Variants in DOCK1 observed in about 807,000 individuals in gnomAD.
DOCK1 encodes dedicator of cytokinesis protein 1.
Under a neutral mutation model 262.7 loss-of-function variants are expected in DOCK1, and 138 were observed. That is an observed-to-expected ratio of 0.53 (90% confidence interval 0.46 to 0.61). The LOEUF (loss-of-function observed/expected upper bound fraction) is 0.61, where lower values mean the gene tolerates loss of function less well. Among genes scored for constraint, DOCK1 ranks in the 20% least tolerant of loss-of-function variants. DOCK1 has a pLI of 0.00. For missense variants in DOCK1, 1,908 were observed against 2,370.7 expected (o/e 0.80, Z 4.05); for synonymous variants, 866 against 867.4 (o/e 1.00, Z 0.03).
chr10:127,136,459 A>G (rs150362471), intron 27 of DOCK1: 1 of 149,070 alleles, frequency 6.7e-6, no homozygotes, highest in Non-Finnish European at 1.5e-5. Flanking sequence ...CTCACAAACT[A>G]TTCAAAATTT....
chr10:127,083,590 A>G (rs2047032134), intron 23 of DOCK1, among the ~76,000 whole-genome samples: 2 of 152,226 alleles, frequency 1.3e-5, no homozygotes, highest in Non-Finnish European at 2.9e-5. Context: ...AATTCTTTAT[A>G]ATGGATGTGA....
At chr10:126,960,761 CAG>C (rs2037140983) in intron 1 of DOCK1, among the ~76,000 whole-genome samples, 1 of 137,466 alleles carries the variant, frequency 7.3e-6, no homozygotes, top group African/African-American at 2.7e-5. Context: ...CACACACACA[CAG>C]ACACATATAT....
At chr10:127,116,495 C>CT (rs1304164542) in intron 25 of DOCK1, among the ~76,000 whole-genome samples, 1 of 152,098 alleles carries the variant, frequency 6.6e-6, no homozygotes, top group Non-Finnish European at 1.5e-5. Context: ...GATTTCTACA[C>CT]TATTATCATT....
chr10:127,092,456 T>C (rs968808941), intron 23 of DOCK1, among the ~76,000 whole-genome samples: 5 of 152,088 alleles, frequency 3.3e-5, no homozygotes, highest in African/African-American at 1.2e-4. Flanking sequence ...TCCGATTGCT[T>C]CTCCATGGCG....
chr10:127,176,152 C>G lies in DOCK1; in HGVS notation c.2847+48388C>G. 1 of 1,614,096 alleles carries G rather than the reference C, an allele frequency of 6.2e-7. No individual in the cohort carries two copies. The highest frequency in any genetic ancestry group is 8.5e-7 in the Non-Finnish European group (1 of 1,180,022). ...ACTGTCATGTATTTGCGGTAGGCTG[C>G]TCTGCAGGACACGGGCTTGGCCTCC... On this transcript the variant is annotated intron_variant, in intron 27 of 51. Coordinates refer to ENST00000623213, the MANE Select transcript of DOCK1 (RefSeq NM_001290223.2). The surrounding 1 kb of genome is among the most constrained non-coding windows in gnomAD (Gnocchi z 4.4).
At chr10:127,065,011 CT>C (rs1218385957) in intron 23 of DOCK1, among the ~76,000 whole-genome samples, 7 of 151,984 alleles carry the variant, frequency 4.6e-5, no homozygotes, top group Non-Finnish European at 8.8e-5. Context: ...TTGTGTCTGG[CT>C]TTTTTTCTTT....
At chr10:127,163,653 T>C (rs1471693313) in intron 27 of DOCK1, among the ~76,000 whole-genome samples, 5 of 152,132 alleles carry the variant, frequency 3.3e-5, no homozygotes, top group Admixed American at 3.3e-4. Context: ...TCTGTCTAAA[T>C]AGTATTCATA....
chr10:127,232,199 A>G (rs1463552910), intron 27 of DOCK1, among the ~76,000 whole-genome samples: 1 of 152,168 alleles, frequency 6.6e-6, no homozygotes, highest in Non-Finnish European at 1.5e-5. Context: ...GAGAAAAATG[A>G]AAATACCATT....
At chr10:127,123,429 G>A (rs1474858350) in intron 25 of DOCK1, among the ~76,000 whole-genome samples, 5 of 152,198 alleles carry the variant, frequency 3.3e-5, no homozygotes, top group Non-Finnish European at 7.3e-5. Context: ...TGGGCACCAC[G>A]AGGAAGAGTG....
chr10:127,102,701 G>A (rs2048319711), intron 23 of DOCK1, among the ~76,000 whole-genome samples: 1 of 152,118 alleles, frequency 6.6e-6, no homozygotes, highest in African/African-American at 2.4e-5. Flanking sequence ...TTAGCCGGGT[G>A]TGGTGGCGGG....
chr10:127,070,042 T>C (rs1408376228), intron 23 of DOCK1, among the ~76,000 whole-genome samples: 1 of 152,110 alleles, frequency 6.6e-6, no homozygotes, highest in East Asian at 1.9e-4. Context: ...ATTTCCTGAC[T>C]TGCAGATGCC....
At chr10:126,924,350 A>G in intron 1 of DOCK1, among the ~76,000 whole-genome samples, 1 of 120,858 alleles carries the variant, frequency 8.3e-6, no homozygotes, top group East Asian at 2.6e-4. Context: ...TGAGTGCTGG[A>G]ACTCAGTAGT....
chr10:127,306,534 A>G (rs2061883616), intron 29 of DOCK1, among the ~76,000 whole-genome samples: 1 of 151,944 alleles, frequency 6.6e-6, no homozygotes, highest in Non-Finnish European at 1.5e-5. Flanking sequence ...CATACGTTAC[A>G]AGCACAGCTT....
Position 127,024,668 on chromosome 10 carries a change from T to C in DOCK1, c.1453-17T>C, listed in dbSNP as rs1352367626. ...TCTATGAGGTCTTACGTGAGCTCTT[T>C]ATGTCTTCTTTTAAAGCATGTGATT... On this transcript the variant is annotated splice_polypyrimidine_tract_variant and intron_variant, in intron 14 of 51. Transcript: ENST00000623213. 1.2e-6 allele frequency: 2 copies of C among 1,600,522 alleles called. No individual in the cohort carries two copies. The highest frequency in any genetic ancestry group is 1.7e-6 in the Non-Finnish European group (2 of 1,173,194).
At chr10:127,112,409 A>T (rs2048923336) in intron 25 of DOCK1, among the ~76,000 whole-genome samples, 2 of 152,086 alleles carry the variant, frequency 1.3e-5, no homozygotes, top group South Asian at 4.1e-4. Flanking sequence ...TTGTTAGCTT[A>T]GGTGTTTGTA....
chr10:126,988,846 A>G (rs1259258349), intron 5 of DOCK1, among the ~76,000 whole-genome samples: 2 of 152,074 alleles, frequency 1.3e-5, no homozygotes, highest in Non-Finnish European at 2.9e-5. Context: ...GCCGAGGCGG[A>G]TGGATCACTT....
intron 22 of DOCK1, among the ~76,000 whole-genome samples, chr10:127,053,635 A>G (rs768673592): frequency 1.3e-4 from 20 of 152,248 alleles, no homozygotes; most frequent in Admixed American, 8.5e-4. Flanking sequence ...TGAACTGTAT[A>G]CTTAAAATGG....
chr10:126,938,339 C>T lies in DOCK1; in HGVS notation c.47-32363C>T, dbSNP rs923580258. ...CTGGGATTACAGGCAAGAGCCACTG[C>T]GCCCGGCCTGGCTTCATTTTTTTGC... On this transcript the variant is annotated intron_variant, in intron 1 of 51. Coordinates refer to ENST00000623213, the MANE Select transcript of DOCK1 (RefSeq NM_001290223.2). Among the ~76,000 whole-genome samples the T allele has an allele frequency of 2.6e-5, 4 of 152,316 alleles. 1 individual carries two copies. The highest frequency in any genetic ancestry group is 3.9e-4 in the East Asian group (2 of 5,178).
intron 40 of DOCK1, among the ~76,000 whole-genome samples, chr10:127,407,113 T>C (rs2067561041): frequency 6.6e-6 from 1 of 152,066 alleles, no homozygotes; most frequent in African/African-American, 2.4e-5. Flanking sequence ...TGAAAAAGAA[T>C]TCAATTCTTA....
Sources: gnomAD v4.1 joint callset for allele counts (sites outside exome capture counted in the v4.1 genomes callset) on GRCh38, gnomAD v4.1.1 for gene constraint, Gnocchi (gnomAD v3.1) non-coding constraint, MANE v1.5 for transcripts, NCBI Gene and HGNC (gene_info 2026-07-23, HGNC 2026-07-21) for gene names.